The following RPS6KA2 variants were observed in gnomAD, a reference collection of about 807,000 sequenced individuals.
RPS6KA2 encodes ribosomal protein S6 kinase alpha-2.
In RPS6KA2, 42 loss-of-function variants were observed where a neutral mutation model predicts 91.8. That is an observed-to-expected ratio of 0.46 (90% CI 0.36 to 0.59). The LOEUF (loss-of-function observed/expected upper bound fraction) is 0.59. Ranked by LOEUF, RPS6KA2 falls within the 20% of genes least tolerant of loss-of-function variation. The pLI is 0.00. For synonymous variants in RPS6KA2, 414 were observed against 393.6 expected (o/e 1.05, Z -0.61); for missense variants, 798 against 978.5 (o/e 0.82, Z 2.46).
chr6:166,594,148 T>C (rs1785450697), intron 1 of RPS6KA2, among the ~76,000 whole-genome samples: 1 of 152,222 alleles, frequency 6.6e-6, no homozygotes, highest in Non-Finnish European at 1.5e-5. Context: ...TACTTGTATG[T>C]GTGGAATATT....
intron 2 of RPS6KA2, among the ~76,000 whole-genome samples, chr6:166,725,944 G>C (rs1257626593): frequency 1.3e-5 from 2 of 152,156 alleles, no homozygotes; most frequent in African/African-American, 4.8e-5. Flanking sequence ...AGCTTTTGGG[G>C]AACCGACAGA....
intron 1 of RPS6KA2, among the ~76,000 whole-genome samples, chr6:166,587,832 T>C (rs901947755): frequency 3.9e-5 from 6 of 152,164 alleles, no homozygotes; most frequent in Admixed American, 2.0e-4. Context: ...GCTGCTGTCA[T>C]TCATGGCAGG....
chr6:166,758,957 C>G (rs888668241), intron 2 of RPS6KA2, among the ~76,000 whole-genome samples: 1 of 152,142 alleles, frequency 6.6e-6, no homozygotes, highest in Admixed American at 6.5e-5. Flanking sequence ...TGGGTTCTAC[C>G]AAAACAACTT....
intron 2 of RPS6KA2, among the ~76,000 whole-genome samples, chr6:166,690,002 G>A (rs752796779): frequency 1.3e-5 from 2 of 152,232 alleles, no homozygotes; most frequent in Admixed American, 6.5e-5. Context: ...CCCCAAGGAG[G>A]TGGCAGAGCT....
rs1028468719 is a variant in RPS6KA2, at chr6:166,767,930, T to C, written c.123+90270A>G. ...TGGGGGTTTTATTTTTCCACGACTG[T>C]GGAGTCTGCCTCTGTGTCCCCACAT... On this transcript the variant is annotated intron_variant, in intron 2 of 21. Transcript: ENST00000503859. This position sits in a 1 kb window ranked among gnomAD's most constrained non-coding sequence, Gnocchi z 4.6. Among the ~76,000 whole-genome samples, 2 of 152,196 alleles carry C rather than the reference T, an allele frequency of 1.3e-5. No homozygotes were observed. The highest frequency in any genetic ancestry group is 4.8e-5 in the African/African-American group (2 of 41,448).
intron 2 of RPS6KA2, among the ~76,000 whole-genome samples, chr6:166,718,182 T>G (rs1338501367): frequency 6.6e-6 from 1 of 152,130 alleles, no homozygotes; most frequent in Non-Finnish European, 1.5e-5. Context: ...CAAAAGCAAC[T>G]GTGCACATTT....
At position 166,776,518 on chromosome 6, in the gene RPS6KA2, A is replaced by C. The variant is rs544600696; in HGVS notation, c.123+81682T>G. On this transcript the variant is annotated intron_variant, in intron 2 of 21. Coordinates refer to the RPS6KA2 transcript ENST00000503859. ...AGTGCATTCACACTGACGTGTCACC[A>C]GGTAATTCCCAACATCTGCCTCTTC... Among the ~76,000 whole-genome samples the C allele has an allele frequency of 2.6e-5, 4 of 152,322 alleles. No homozygotes were observed. The South Asian group carries it at 6.2e-4, about 24-fold the overall frequency.
At chr6:166,793,829 C>T (rs1263945488) in intron 2 of RPS6KA2, among the ~76,000 whole-genome samples, 4 of 151,926 alleles carry the variant, frequency 2.6e-5, no homozygotes, top group Non-Finnish European at 4.4e-5. Context: ...GGATCCCTTC[C>T]TTACACCTTA....
chr6:166,657,184 C>T (rs912916588), intron 2 of RPS6KA2, among the ~76,000 whole-genome samples: 6 of 152,112 alleles, frequency 3.9e-5, no homozygotes, highest in African/African-American at 1.4e-4. Flanking sequence ...GGCTAGGAAA[C>T]CCACTGCCTG....
Position 166,477,568 on chromosome 6 carries a change from C to G in RPS6KA2, c.908-7663G>C, listed in dbSNP as rs142196201. ...CACCCCAATACTTTGTCACATTCAC[C>G]CAATTTACTGTAGCAAATCCTCTCC... On this transcript the variant is annotated intron_variant, in intron 10 of 20. Transcript: ENST00000265678. Among the ~76,000 whole-genome samples the G allele has an allele frequency of 1.7e-3, 263 of 152,242 alleles. 1 individual carries two copies. Among genetic ancestry groups the G allele is most frequent in the African/African-American group, 6.1e-3 (252 of 41,548 alleles).
intron 2 of RPS6KA2, among the ~76,000 whole-genome samples, chr6:166,817,580 C>A (rs1173374140): frequency 1.3e-5 from 2 of 152,204 alleles, no homozygotes; most frequent in East Asian, 3.8e-4. Context: ...TAAAAATCCA[C>A]AGAAAGGTTG....
rs559225602 is a variant in RPS6KA2, at chr6:166,494,800, A to C, written c.747+3708T>G. ...GAGATCCCAGCACACATCCACCTCC[A>C]GGGGACGGACGGCCACCCACACATG... On this transcript the variant is annotated intron_variant, in intron 8 of 20. Coordinates refer to ENST00000265678, the MANE Select transcript of RPS6KA2 (RefSeq NM_021135.6). The surrounding 1 kb of genome is among the most constrained non-coding windows in gnomAD (Gnocchi z 5.1). Among the ~76,000 whole-genome samples the C allele has an allele frequency of 2.6e-4, 40 of 152,296 alleles. No homozygotes were observed. Among genetic ancestry groups the C allele is most frequent in the Middle Eastern group, 3.4e-3 (1 of 294 alleles).
chr6:166,721,233 T>A (rs1361551600), intron 2 of RPS6KA2, among the ~76,000 whole-genome samples: 2 of 152,204 alleles, frequency 1.3e-5, no homozygotes, highest in African/African-American at 2.4e-5. Flanking sequence ...GCGGGGGACA[T>A]CGGGGGTGCG....
chr6:166,806,591 G>C lies in RPS6KA2; in HGVS notation c.123+51609C>G, dbSNP rs1779498531. Reference sequence around the variant, plus strand: ...ATTCCCAGATAAACAAATGCAGGGGGAGTTTGTTATCATGAGACCTGACCT... The same window carrying C: ...ATTCCCAGATAAACAAATGCAGGGGCAGTTTGTTATCATGAGACCTGACCT... On this transcript the variant is annotated intron_variant, in intron 2 of 21. Transcript: ENST00000503859. Among the ~76,000 whole-genome samples, 5 of 152,158 alleles carry C rather than the reference G, an allele frequency of 3.3e-5. No individual in the cohort carries two copies. In the South Asian group the frequency reaches 8.3e-4, roughly 25 times the overall value.
At chr6:166,837,890 C>T (rs1315207393) in intron 2 of RPS6KA2, among the ~76,000 whole-genome samples, 2 of 152,224 alleles carry the variant, frequency 1.3e-5, no homozygotes, top group African/African-American at 4.8e-5. Flanking sequence ...AATAATCTAT[C>T]CAAATATCTT....
intron 12 of RPS6KA2, 79 bp from the exon 13 acceptor site, chr6:166,451,312 G>GTGGTGTGTGTGTGCATA: frequency 6.6e-7 from 1 of 1,512,594 alleles, no homozygotes; most frequent in Non-Finnish European, 9.1e-7. Context: ...GTGTGTGCAT[G>GTGGTGTGTGTGTGCATA]TGGTATGTGT....
At chr6:166,568,063 G>C (rs534370594) in intron 1 of RPS6KA2, among the ~76,000 whole-genome samples, 1 of 152,128 alleles carries the variant, frequency 6.6e-6, no homozygotes, top group Non-Finnish European at 1.5e-5. Context: ...CCCCAGAATC[G>C]GCCCTTGGAC....
intron 10 of RPS6KA2, among the ~76,000 whole-genome samples, chr6:166,481,768 G>A (rs1222042231): frequency 1.3e-5 from 2 of 151,422 alleles, no homozygotes; most frequent in Non-Finnish European, 2.9e-5. Context: ...TAAAGTATGT[G>A]CTACAGAGTG....
intron 17 of RPS6KA2, among the ~76,000 whole-genome samples, chr6:166,421,738 C>CT (rs2128441073): frequency 6.6e-6 from 1 of 152,262 alleles, no homozygotes; most frequent in South Asian, 2.1e-4. Context: ...TAATAAACTT[C>CT]TTTTTCTCTT....
Sources: gnomAD v4.1 joint callset for allele counts (sites outside exome capture counted in the v4.1 genomes callset) on GRCh38, gnomAD v4.1.1 for gene constraint, Gnocchi (gnomAD v3.1) non-coding constraint, MANE v1.5 for transcripts, NCBI Gene and HGNC (gene_info 2026-07-23, HGNC 2026-07-21) for gene names.